Variants in UBAP2L observed in about 807,000 individuals in gnomAD.
UBAP2L encodes ubiquitin-associated protein 2-like.
Under a neutral mutation model 130.6 loss-of-function variants are expected in UBAP2L, and 12 were observed. The ratio of observed to expected loss-of-function variants is 0.09; its 90% CI spans 0.06 to 0.15. The LOEUF (loss-of-function observed/expected upper bound fraction) is 0.15. Among genes scored for constraint, UBAP2L ranks in the 10% least tolerant of loss-of-function variants. UBAP2L has a pLI of 1.00. For synonymous variants in UBAP2L, 503 were observed against 524.7 expected, an observed-to-expected ratio of 0.96 and a Z score of 0.57; for missense variants, 965 against 1,332.5, an observed-to-expected ratio of 0.72 and a Z score of 4.29.
chr1:154,252,324 A>C (rs1233706328), intron 14 of UBAP2L, among the ~76,000 whole-genome samples: 3 of 138,428 alleles, frequency 2.2e-5, no homozygotes, highest in African/African-American at 8.3e-5. Flanking sequence ...CTCTGTTGCC[A>C]GGCTGGAGTG....
intron 11 of UBAP2L, among the ~76,000 whole-genome samples, chr1:154,246,776 C>T (rs1031750639): frequency 6.6e-6 from 1 of 152,144 alleles, no homozygotes; most frequent in Non-Finnish European, 1.5e-5. Flanking sequence ...TGTATATTTA[C>T]TTAAACCAGG....
intron 10 of UBAP2L, among the ~76,000 whole-genome samples, chr1:154,243,525 A>C (rs890605110): frequency 4.6e-5 from 7 of 151,474 alleles, no homozygotes; most frequent in Admixed American, 1.3e-4. Context: ...CAGTGGCACG[A>C]TTTCGGCTCA....
intron 21 of UBAP2L, chr1:154,259,622 G>T: frequency 2.8e-6 from 1 of 361,532 alleles, no homozygotes; most frequent in South Asian, 3.0e-5. Flanking sequence ...TTAAATTATC[G>T]AATGATCTGT....
chr1:154,244,710 T>G (rs1284526587), intron 10 of UBAP2L, among the ~76,000 whole-genome samples: 1 of 152,012 alleles, frequency 6.6e-6, no homozygotes, highest in African/African-American at 2.4e-5. Flanking sequence ...ACGGAAGAAA[T>G]GAGTAGGGCA....
At chr1:154,230,885 A>G (rs1478796491) in intron 4 of UBAP2L, among the ~76,000 whole-genome samples, 2 of 152,210 alleles carry the variant, frequency 1.3e-5, no homozygotes, top group African/African-American at 4.8e-5. Context: ...TGTGCCAGCA[A>G]CAGATGTGCA....
intron 1 of UBAP2L, among the ~76,000 whole-genome samples, chr1:154,221,949 C>G (rs192917473): frequency 1.2e-3 from 184 of 152,226 alleles, no homozygotes; most frequent in Non-Finnish European, 1.6e-3. Flanking sequence ...TTCTTCAAAC[C>G]CTTAACCTTG....
intron 23 of UBAP2L, 93 bp from the exon 24 acceptor site, chr1:154,261,499 G>A: frequency 8.5e-7 from 1 of 1,177,366 alleles, no homozygotes; most frequent in Non-Finnish European, 1.3e-6. Context: ...AGGATAGGTA[G>A]CCATCTGAAT....
At chr1:154,268,717 T>C (rs767251831) in intron 25 of UBAP2L, 40 bp from the exon 26 acceptor site, 2 of 1,603,634 alleles carry the variant, frequency 1.2e-6, no homozygotes, top group Non-Finnish European at 1.7e-6. Context: ...ACTAGTTTGC[T>C]GATCCCTTTT....
chr1:154,269,055 A>G, intron 26 of UBAP2L, 101 bp downstream of exon 26: 1 of 1,354,964 alleles, frequency 7.4e-7, no homozygotes, highest in Non-Finnish European at 1.0e-6. Flanking sequence ...CACCACCTTC[A>G]CCCAATCCCT....
rs916643859 is a variant in UBAP2L at position 154,270,667 on chromosome 1, CCTT to C, written c.*376_*378del. On this transcript the variant is annotated 3_prime_UTR_variant, in exon 27 of 27. Transcript: ENST00000428931. ...ATATCAGCCCAACAGCCCTAAGTCT[CCTT>C]CTTTATTATTAGGAAAACAACAACA... The C allele has an allele frequency of 4.7e-5, 66 of 1,411,502 alleles. No individual in the cohort carries two copies. Among genetic ancestry groups the C allele is most frequent in the African/African-American group, 2.8e-4 (19 of 68,988 alleles). 87.4% of individuals were successfully genotyped at this position (1,411,502 alleles called of 1,614,324 possible).
chr1:154,258,096 A>G (rs923237149), intron 20 of UBAP2L, among the ~76,000 whole-genome samples: 2 of 152,094 alleles, frequency 1.3e-5, no homozygotes, highest in African/African-American at 4.8e-5. Flanking sequence ...AGACTCCCCA[A>G]GTAGCTAGGA....
At chr1:154,263,556 T>A in intron 24 of UBAP2L, 1 of 986,982 alleles carries the variant, frequency 1.0e-6, no homozygotes, top group Middle Eastern at 5.1e-4. Context: ...ACCAATGCTG[T>A]GCTGTGGATG....
chr1:154,257,262 G>A lies in UBAP2L; in HGVS notation c.2353+4G>A. 1.2e-6 allele frequency: 2 copies of A among 1,614,194 alleles called. No individual in the cohort carries two copies. The highest frequency in any genetic ancestry group is 1.7e-6 in the Non-Finnish European group (2 of 1,180,018). ...AGCTCAGTTGCTACGACTTCAGGTA[G>A]CCTTGCATAAGCAGATGGCATTCCT... On this transcript the variant is annotated splice_donor_region_variant and intron_variant, in intron 19 of 26. Transcript: ENST00000428931.
chr1:154,247,141 A>G (rs975554336), intron 11 of UBAP2L, among the ~76,000 whole-genome samples: 6 of 152,142 alleles, frequency 3.9e-5, no homozygotes, highest in Non-Finnish European at 8.8e-5. Flanking sequence ...GAGGGATACT[A>G]AAGTTGTAAG....
intron 2 of UBAP2L, among the ~76,000 whole-genome samples, chr1:154,226,770 G>C (rs777321675): frequency 6.6e-6 from 1 of 152,192 alleles, no homozygotes. Context: ...TGGTGAATGA[G>C]TTCCTTACTC....
chr1:154,269,654 T>C (rs771592596), intron 26 of UBAP2L: 2 of 346,924 alleles, frequency 5.8e-6, no homozygotes, highest in African/African-American at 2.2e-5. Flanking sequence ...GAAAAGATTC[T>C]TGGGGCAGCA....
chr1:154,259,277 C>T (rs971670924), intron 21 of UBAP2L, among the ~76,000 whole-genome samples: 4 of 151,938 alleles, frequency 2.6e-5, no homozygotes, highest in South Asian at 2.1e-4. Context: ...TTGCAACCTC[C>T]GCCGCCTGGG....
intron 4 of UBAP2L, among the ~76,000 whole-genome samples, chr1:154,233,969 G>A (rs1365838220): frequency 6.6e-6 from 1 of 151,832 alleles, no homozygotes; most frequent in Admixed American, 6.6e-5. Flanking sequence ...ATTAGATAGA[G>A]GTCTTTGTAA....
At chr1:154,262,982 C>G in intron 24 of UBAP2L, 1 of 917,652 alleles carries the variant, frequency 1.1e-6, no homozygotes, top group Non-Finnish European at 1.6e-6. Flanking sequence ...ATCCCACCTT[C>G]TTGCCTCCCT....
Sources: allele counts gnomAD v4.1 joint callset (sites outside exome capture counted in the v4.1 genomes callset), GRCh38; gene constraint gnomAD v4.1.1; transcripts MANE v1.5; gene names NCBI Gene and HGNC (gene_info 2026-07-23, HGNC 2026-07-21).